The following PGAP4 variants were observed in gnomAD, a reference collection of about 807,000 sequenced individuals.
PGAP4 encodes post-GPI attachment to proteins GalNAc transferase 4.
PGAP4 carries 12 observed loss-of-function variants against 28.2 expected under a neutral mutation model. The observed-to-expected ratio is 0.42, with a 90% CI of 0.27 to 0.69. The LOEUF (loss-of-function observed/expected upper bound fraction) is 0.69, where lower values mean the gene tolerates loss of function less well. Ranked by LOEUF, PGAP4 falls within the 30% of genes least tolerant of loss-of-function variation. The pLI, the probability that PGAP4 is intolerant of heterozygous loss-of-function variation, is 0.22. For synonymous variants in PGAP4, 205 were observed against 211.8 expected, an observed-to-expected ratio of 0.97 and a Z score of 0.28; for missense variants, 425 against 513.5, an observed-to-expected ratio of 0.83 and a Z score of 1.67.
At chr9:101,483,916 T>C (rs1350404060) in intron 1 of PGAP4, among the ~76,000 whole-genome samples, 2 of 152,206 alleles carry the variant, frequency 1.3e-5, no homozygotes, top group Non-Finnish European at 1.5e-5. Flanking sequence ...TAGAGCTCCC[T>C]TTCTCCATAA....
intron 2 of PGAP4, among the ~76,000 whole-genome samples, chr9:101,496,154 T>C (rs1330879243): frequency 1.3e-5 from 2 of 151,536 alleles, no homozygotes; most frequent in African/African-American, 4.8e-5. Flanking sequence ...GAGGAAAATA[T>C]TGTTTTTTTA....
intron 2 of PGAP4, among the ~76,000 whole-genome samples, chr9:101,504,209 GTTTTTT>G (rs3081858): frequency 0.13 from 3,059 of 22,884 alleles, 119 homozygotes; most frequent in Admixed American, 0.2. Context: ...GTGTGTGTTT[GTTTTTT>G]TTTTTTTTTT....
Position 101,476,217 on chromosome 9 carries a change from A to G in PGAP4, c.876T>C (p.Pro292=). 5 of 1,614,162 alleles carry G rather than the reference A, an allele frequency of 3.1e-6. No individual in the cohort carries two copies. The highest frequency in any genetic ancestry group is 3.4e-6 in the Non-Finnish European group (4 of 1,180,018). The part of the protein sequence containing the change: ...RFASRPGFSW[P]VMLFFSLYSM... The stretch of plus-strand genomic sequence containing the variant: ...TATACAGGGAGAAGAAGAGCATTAC[A>G]GGCCAGCTAAACCCTGGGCGGCTGG... Residue 292 remains proline, a synonymous_variant, in exon 2 of 2, where the codon CCT becomes CCC. Transcript: ENST00000374848. The surrounding 1 kb of genome is among the most constrained non-coding windows in gnomAD (Gnocchi z 7.0).
At chr9:101,492,342 A>T (rs942119075) in intron 2 of PGAP4, among the ~76,000 whole-genome samples, 1 of 151,946 alleles carries the variant, frequency 6.6e-6, no homozygotes, top group Non-Finnish European at 1.5e-5. Flanking sequence ...TAAGGCGCAT[A>T]CCACCATGCT....
chr9:101,495,996 G>A (rs1323762397), intron 2 of PGAP4, among the ~76,000 whole-genome samples: 2 of 151,388 alleles, frequency 1.3e-5, no homozygotes, highest in Non-Finnish European at 3.0e-5. Flanking sequence ...AGAAAAGTGA[G>A]TGAACTATAT....
At chr9:101,506,859 C>A (rs925556086) in intron 2 of PGAP4, among the ~76,000 whole-genome samples, 3 of 151,996 alleles carry the variant, frequency 2.0e-5, no homozygotes, top group African/African-American at 7.3e-5. Flanking sequence ...CCTTGTAACT[C>A]CCCAGTCTTC....
chr9:101,477,093 G>A lies in PGAP4; in HGVS notation c.-1C>T. ...CAGCTGGAGAGGTTGAAGTGCTCAT[G>A]AGGTCAACTTTTGTTCATGTCTGGT... On this transcript the variant is annotated 5_prime_UTR_variant, in exon 2 of 2. Transcript: ENST00000374848. 1 of 1,564,392 alleles carries A rather than the reference G, an allele frequency of 6.4e-7. No individual in the cohort carries two copies. The highest frequency in any genetic ancestry group is 8.6e-7 in the Non-Finnish European group (1 of 1,158,684).
At chr9:101,504,837 A>C (rs1003542274) in intron 2 of PGAP4, among the ~76,000 whole-genome samples, 3 of 152,094 alleles carry the variant, frequency 2.0e-5, no homozygotes, top group African/African-American at 4.8e-5. Flanking sequence ...TAAGTTGGTC[A>C]AGGGAATCTC....
chr9:101,524,814 T>G (rs113755405), intron 2 of PGAP4, among the ~76,000 whole-genome samples: 10,846 of 152,236 alleles, frequency 0.071, 454 homozygotes, highest in East Asian at 0.14. Flanking sequence ...CACTCACAGT[T>G]TTAGGGGGCT....
chr9:101,495,971 G>A (rs1377581342), intron 2 of PGAP4, among the ~76,000 whole-genome samples: 1 of 151,356 alleles, frequency 6.6e-6, no homozygotes, highest in African/African-American at 2.4e-5. Context: ...TGCCAGAAAA[G>A]TGTGTTCAGA....
intron 2 of PGAP4, among the ~76,000 whole-genome samples, chr9:101,523,612 C>A (rs1827006681): frequency 1.8e-5 from 1 of 56,322 alleles, no homozygotes; most frequent in Non-Finnish European, 3.5e-5. Context: ...CCCCTCACTT[C>A]TTGTATCTTT....
chr9:101,494,911 T>G (rs1239175311), intron 2 of PGAP4, among the ~76,000 whole-genome samples: 2 of 150,742 alleles, frequency 1.3e-5, no homozygotes, highest in Non-Finnish European at 3.0e-5. Context: ...ATTTTTTCAA[T>G]TAGTTACCTG....
intron 2 of PGAP4, among the ~76,000 whole-genome samples, chr9:101,492,304 C>T (rs909252805): frequency 2.0e-5 from 3 of 152,050 alleles, no homozygotes; most frequent in African/African-American, 7.2e-5. Flanking sequence ...AGCGATTCTC[C>T]TGCCTCAGCC....
At chr9:101,502,260 G>C (rs932606479) in intron 2 of PGAP4, among the ~76,000 whole-genome samples, 2 of 152,044 alleles carry the variant, frequency 1.3e-5, no homozygotes, top group Non-Finnish European at 2.9e-5. Flanking sequence ...GATCTGAAGT[G>C]TTATCCCAGT....
In PGAP4 at chr9:101,486,308, C is replaced by T. The variant is rs1215453529; in HGVS notation, c.-78+641G>A. Among the ~76,000 whole-genome samples the T allele has an allele frequency of 6.6e-6, 1 of 152,220 alleles. No individual in the cohort carries two copies. Among genetic ancestry groups the T allele is most frequent in the Non-Finnish European group, 1.5e-5 (1 of 68,034 alleles). Reference sequence around the variant, plus strand: ...CTCAGTTTCCCACCCGTAGGCCGAGCTGACCGTCTCCATCGCTGCGCTCCT... The same window carrying T: ...CTCAGTTTCCCACCCGTAGGCCGAGTTGACCGTCTCCATCGCTGCGCTCCT... On this transcript the variant is annotated intron_variant, in intron 1 of 1. Coordinates refer to ENST00000374848, the MANE Select transcript of PGAP4 (RefSeq NM_032342.3). The surrounding 1 kb of genome is among the most constrained non-coding windows in gnomAD (Gnocchi z 4.7).
chr9:101,495,573 A>G (rs1174476362), intron 2 of PGAP4, among the ~76,000 whole-genome samples: 1 of 147,138 alleles, frequency 6.8e-6, no homozygotes, highest in East Asian at 1.9e-4. Context: ...AACCTACCAA[A>G]GATGTCAAAG....
At chr9:101,493,252 CAA>C (rs34195899) in intron 2 of PGAP4, among the ~76,000 whole-genome samples, 16 of 116,958 alleles carry the variant, frequency 1.4e-4, no homozygotes, top group East Asian at 2.4e-4. Context: ...GACTCCATCT[CAA>C]AAAAAAAAAA....
intron 2 of PGAP4, among the ~76,000 whole-genome samples, chr9:101,502,176 C>A (rs75073604): frequency 0.023 from 3,471 of 152,138 alleles, 63 homozygotes; most frequent in East Asian, 0.06. Flanking sequence ...TTGGAGGCAT[C>A]TTCCTCTCTA....
upstream of PGAP4, chr9:101,533,567 C>G (rs3818335): frequency 3.6e-3 from 542 of 152,374 alleles, 9 homozygotes; most frequent in East Asian, 0.029. Context: ...GAATGAGGAA[C>G]TTTATCCCCG....
Sources: gnomAD v4.1 joint callset for allele counts (sites outside exome capture counted in the v4.1 genomes callset) on GRCh38, gnomAD v4.1.1 for gene constraint, Gnocchi (gnomAD v3.1) non-coding constraint, MANE v1.5 for transcripts, NCBI Gene and HGNC (gene_info 2026-07-23, HGNC 2026-07-21) for gene names.